SPECC1L: variants seen among roughly 807,000 people sequenced by gnomAD.
SPECC1L encodes sperm antigen with calponin homology and coiled-coil domains 1 like.
A neutral mutation model predicts 116.8 loss-of-function variants in SPECC1L; 40 were observed. That is an observed-to-expected ratio of 0.34 (90% CI 0.27 to 0.45). SPECC1L has a LOEUF of 0.45. Ranked by LOEUF, SPECC1L falls within the 20% of genes least tolerant of loss-of-function variation. The pLI is 1.00. For synonymous variants in SPECC1L, 504 were observed against 500.6 expected (o/e 1.01, Z -0.09); for missense variants, 1,110 against 1,373.6 (o/e 0.81, Z 3.03).
intron 14 of SPECC1L, among the ~76,000 whole-genome samples, chr22:24,389,537 A>G (rs2042226055): frequency 6.7e-6 from 1 of 149,820 alleles, no homozygotes. Context: ...TTTTTTAGGG[A>G]AAGGATCTAT....
chr22:24,397,705 T>C (rs1384072408), intron 14 of SPECC1L, among the ~76,000 whole-genome samples: 3 of 152,242 alleles, frequency 2.0e-5, no homozygotes, highest in Non-Finnish European at 4.4e-5. Flanking sequence ...ATATTAGTAT[T>C]TGAATGAGTC....
intron 2 of SPECC1L, among the ~76,000 whole-genome samples, chr22:24,289,812 G>C (rs1025064250): frequency 5.3e-5 from 8 of 151,816 alleles, no homozygotes; most frequent in African/African-American, 1.9e-4. Flanking sequence ...GTCCACGTGG[G>C]GTTATTATGA....
At chr22:24,370,769 G>C (rs2041856483) in intron 14 of SPECC1L, among the ~76,000 whole-genome samples, 1 of 152,124 alleles carries the variant, frequency 6.6e-6, no homozygotes, top group African/African-American at 2.4e-5. Context: ...TCTTACACAT[G>C]CTACAACACG....
At chr22:24,355,325 A>T (rs1183699288) in intron 11 of SPECC1L, among the ~76,000 whole-genome samples, 4 of 151,074 alleles carry the variant, frequency 2.6e-5, no homozygotes, top group African/African-American at 9.7e-5. Context: ...TCCAGGTGCT[A>T]AATGTGCTCA....
chr22:24,384,893 A>G (rs536277347), intron 14 of SPECC1L, among the ~76,000 whole-genome samples: 158 of 152,138 alleles, frequency 1.0e-3, no homozygotes, highest in African/African-American at 3.4e-3. Context: ...TGGCTAACAT[A>G]GTGAAACCCC....
At chr22:24,373,200 C>T (rs1381695080) in intron 14 of SPECC1L, among the ~76,000 whole-genome samples, 2 of 152,070 alleles carry the variant, frequency 1.3e-5, no homozygotes, top group African/African-American at 4.8e-5. Flanking sequence ...GCCATACTGC[C>T]CAAGGTAATT....
chr22:24,377,105 G>A (rs537527144), intron 14 of SPECC1L, among the ~76,000 whole-genome samples: 1 of 152,146 alleles, frequency 6.6e-6, no homozygotes, highest in East Asian at 1.9e-4. Context: ...CACACAATAT[G>A]TGGTCCTCTG....
At chr22:24,332,187 G>A (rs566943250) in intron 8 of SPECC1L, among the ~76,000 whole-genome samples, 4 of 152,242 alleles carry the variant, frequency 2.6e-5, no homozygotes, top group African/African-American at 7.2e-5. Flanking sequence ...GACAGTATTC[G>A]TTGCCAGTGA....
At chr22:24,364,577 C>T (rs1487671532) in intron 12 of SPECC1L, among the ~76,000 whole-genome samples, 1 of 150,192 alleles carries the variant, frequency 6.7e-6, no homozygotes, top group Admixed American at 6.7e-5. Flanking sequence ...GCAGGAGAAT[C>T]ACTTGAACCC....
At chr22:24,369,448 TC>T (rs2041833299) in intron 14 of SPECC1L, 128 bp downstream of exon 14, 2 of 743,868 alleles carry the variant, frequency 2.7e-6, no homozygotes, top group Admixed American at 2.0e-5. Flanking sequence ...ACACCTATAA[TC>T]CTAACACATT....
At chr22:24,408,598 T>A (rs769904009) in intron 14 of SPECC1L, among the ~76,000 whole-genome samples, 2 of 152,284 alleles carry the variant, frequency 1.3e-5, no homozygotes, top group Non-Finnish European at 2.9e-5. Flanking sequence ...CCCCTGCGAC[T>A]CTTGGCAGGT....
intron 9 of SPECC1L, among the ~76,000 whole-genome samples, chr22:24,335,345 A>T (rs1046032252): frequency 6.6e-6 from 1 of 152,180 alleles, no homozygotes; most frequent in African/African-American, 2.4e-5. Context: ...AAATGCCTCC[A>T]TGGTCTGACC....
chr22:24,365,646 A>T lies in SPECC1L; in HGVS notation c.2984+14A>T. 1 of 1,613,910 alleles carries T rather than the reference A, an allele frequency of 6.2e-7. No individual in the cohort carries two copies. Among genetic ancestry groups the T allele is most frequent in the Non-Finnish European group, 8.5e-7 (1 of 1,179,886 alleles). ...AAGCCGAATAAGGTAGAGAACAGTTAATATTCATGCATTTCGTGTGTACCT... is the reference window on the plus strand; with the variant it reads ...AAGCCGAATAAGGTAGAGAACAGTTTATATTCATGCATTTCGTGTGTACCT... On this transcript the variant is annotated intron_variant, in intron 13 of 16. Coordinates refer to ENST00000314328, the MANE Select transcript of SPECC1L (RefSeq NM_015330.6).
chr22:24,327,824 C>T (rs1160337604), intron 6 of SPECC1L, among the ~76,000 whole-genome samples: 2 of 151,988 alleles, frequency 1.3e-5, no homozygotes, highest in African/African-American at 4.8e-5. Flanking sequence ...GTCTAGTGGT[C>T]GAGACAGATG....
intron 3 of SPECC1L, among the ~76,000 whole-genome samples, chr22:24,311,804 CAAAAAAAAAAAA>C (rs915422222): frequency 2.1e-5 from 1 of 46,568 alleles, no homozygotes; most frequent in Non-Finnish European, 5.0e-5. Context: ...GACTTTGTCT[CAAAAAAAAAAAA>C]AAAAAAAAAA....
rs988347577 is a variant in SPECC1L, at chr22:24,343,992, C to G, written c.2653-3094C>G. Among the ~76,000 whole-genome samples, 4 of 152,232 alleles carry G rather than the reference C, an allele frequency of 2.6e-5. No homozygotes were observed. In the East Asian group the frequency reaches 7.7e-4, roughly 29 times the overall value. ...ATAAAAAGGCTTCCCACATAGAAAA[C>G]TCCAGGCCCAGGTGGTTTTACTAGT... On this transcript the variant is annotated intron_variant, in intron 10 of 16. Transcript: ENST00000314328.
At chr22:24,312,257 C>A (rs183622911) in intron 3 of SPECC1L, among the ~76,000 whole-genome samples, 23 of 152,334 alleles carry the variant, frequency 1.5e-4, no homozygotes, top group Middle Eastern at 6.8e-3. Flanking sequence ...GCATGAGCCA[C>A]TGTGCCCAGC....
At chr22:24,330,142 A>C (rs1195703157) in intron 7 of SPECC1L, 114 bp from the exon 8 acceptor site, 1 of 1,039,832 alleles carries the variant, frequency 9.6e-7, no homozygotes, top group Non-Finnish European at 1.4e-6. Flanking sequence ...AAAATTAATC[A>C]TCATTTGGAA....
At chr22:24,349,975 G>T (rs950767870) in intron 11 of SPECC1L, among the ~76,000 whole-genome samples, 7 of 152,044 alleles carry the variant, frequency 4.6e-5, no homozygotes, top group Non-Finnish European at 8.8e-5. Context: ...TTCTCTCAGG[G>T]GCCTCCAGAC....
Sources: gnomAD v4.1 joint callset for allele counts (sites outside exome capture counted in the v4.1 genomes callset) on GRCh38, gnomAD v4.1.1 for gene constraint, MANE v1.5 for transcripts, NCBI Gene and HGNC (gene_info 2026-07-23, HGNC 2026-07-21) for gene names.